FRMD4A: variants seen among roughly 807,000 people sequenced by gnomAD.
The protein encoded by FRMD4A is FERM domain-containing protein 4A.
A neutral mutation model predicts 129.1 loss-of-function variants in FRMD4A; 29 were observed. The observed-to-expected ratio is 0.22, with a 90% CI of 0.17 to 0.31. The LOEUF (loss-of-function observed/expected upper bound fraction) is 0.31. Among genes scored for constraint, FRMD4A ranks in the 10% least tolerant of loss-of-function variants. The pLI is 1.00. For synonymous variants in FRMD4A, 634 were observed against 571.6 expected (o/e 1.11, Z -1.56); for missense variants, 1,272 against 1,375.8 (o/e 0.92, Z 1.19).
chr10:14,152,114 GTGCTTTTT>G (rs1840367013), intron 2 of FRMD4A, among the ~76,000 whole-genome samples: 1 of 124,604 alleles, frequency 8.0e-6, no homozygotes, highest in African/African-American at 3.0e-5. Flanking sequence ...TGTTTGTGTA[GTGCTTTTT>G]TTTTTTTTTT....
chr10:13,796,468 C>T, intron 5 of FRMD4A, 28 bp downstream of exon 5: 1 of 1,105,312 alleles, frequency 9.0e-7, no homozygotes, highest in Non-Finnish European at 1.4e-6. Flanking sequence ...CACAAAGAAG[C>T]AAAAGTATAG....
chr10:14,093,403 A>T (rs999110338), intron 2 of FRMD4A, among the ~76,000 whole-genome samples: 4 of 152,226 alleles, frequency 2.6e-5, no homozygotes, highest in African/African-American at 9.7e-5. Context: ...CATTGAGTTT[A>T]AAAGGAAGAA....
chr10:13,892,151 C>T (rs2094707742), intron 2 of FRMD4A, among the ~76,000 whole-genome samples: 1 of 151,734 alleles, frequency 6.6e-6, no homozygotes, highest in Non-Finnish European at 1.5e-5. Context: ...GCGTCCAAAG[C>T]GTGCGGGATG....
intron 6 of FRMD4A, among the ~76,000 whole-genome samples, chr10:13,770,154 C>G (rs548343333): frequency 6.6e-6 from 1 of 152,326 alleles, no homozygotes; most frequent in African/African-American, 2.4e-5. Flanking sequence ...TTGCACAACT[C>G]ATCATAATTA....
At chr10:13,738,510 C>T (rs1252749469) in intron 11 of FRMD4A, among the ~76,000 whole-genome samples, 1 of 152,290 alleles carries the variant, frequency 6.6e-6, no homozygotes, top group African/African-American at 2.4e-5. Context: ...TCCTGCTCAC[C>T]CAAGATGACA....
At chr10:13,917,872 C>G (rs961064900) in intron 2 of FRMD4A, among the ~76,000 whole-genome samples, 7 of 152,306 alleles carry the variant, frequency 4.6e-5, no homozygotes, top group African/African-American at 1.7e-4. Context: ...GTTTCTGCTC[C>G]TCAGTTTTGT....
chr10:13,811,416 C>CG (rs1394817901), intron 3 of FRMD4A, among the ~76,000 whole-genome samples: 1 of 150,922 alleles, frequency 6.6e-6, no homozygotes, highest in Non-Finnish European at 1.5e-5. Context: ...TACAGACGTG[C>CG]GCCATCACAC....
intron 2 of FRMD4A, among the ~76,000 whole-genome samples, chr10:14,049,634 G>A (rs1834163955): frequency 6.6e-6 from 1 of 152,116 alleles, no homozygotes. Context: ...ATTAAAATGA[G>A]GAAAACGGTC....
At chr10:14,054,331 C>T (rs963279213) in intron 2 of FRMD4A, among the ~76,000 whole-genome samples, 4 of 152,114 alleles carry the variant, frequency 2.6e-5, no homozygotes, top group Admixed American at 1.3e-4. Context: ...CCTCCCCTGC[C>T]CCAGCACTGT....
At chr10:13,917,996 T>C (rs2095029721) in intron 2 of FRMD4A, among the ~76,000 whole-genome samples, 1 of 152,202 alleles carries the variant, frequency 6.6e-6, no homozygotes, top group African/African-American at 2.4e-5. Flanking sequence ...GTGATCACTA[T>C]TACCTTAGTC....
chr10:14,034,316 CG>C lies in FRMD4A; in HGVS notation c.46-175405del, dbSNP rs1453016301. 1.1e-4 allele frequency among the ~76,000 whole-genome samples: 17 copies of C among 152,242 alleles called. 1 individual carries two copies. In the South Asian group the frequency reaches 3.3e-3, roughly 30 times the overall value. On this transcript the variant is annotated intron_variant, in intron 2 of 24. Transcript: ENST00000357447. Reference sequence around the variant, plus strand: ...GCTGGTAGCAGGTGAGGGCAGGTCTCGGGGTTCCGAGTGATGAGAATCCAGA... The same window carrying C: ...GCTGGTAGCAGGTGAGGGCAGGTCTCGGGTTCCGAGTGATGAGAATCCAGA...
At chr10:14,144,041 A>T (rs1169614001) in intron 2 of FRMD4A, among the ~76,000 whole-genome samples, 1 of 152,194 alleles carries the variant, frequency 6.6e-6, no homozygotes, top group Non-Finnish European at 1.5e-5. Context: ...TTTAAGAGTT[A>T]GAATAAAATG....
chr10:14,231,281 A>T (rs1843629116), intron 2 of FRMD4A, among the ~76,000 whole-genome samples: 1 of 151,138 alleles, frequency 6.6e-6, no homozygotes. Context: ...CCTCACCATC[A>T]TCTGTTGTTT....
At chr10:14,045,871 T>A (rs866947320) in intron 2 of FRMD4A, among the ~76,000 whole-genome samples, 5 of 146,810 alleles carry the variant, frequency 3.4e-5, no homozygotes, top group African/African-American at 1.2e-4. Flanking sequence ...ATATATCATA[T>A]TATATATGGT....
intron 13 of FRMD4A, among the ~76,000 whole-genome samples, chr10:13,703,278 ATTACT>A (rs750138508): frequency 7.9e-5 from 12 of 152,196 alleles, no homozygotes; most frequent in Non-Finnish European, 1.8e-4. Flanking sequence ...CTGCTCTATC[ATTACT>A]TTATCTCCTC....
At chr10:14,215,665 T>G (rs1345111242) in intron 2 of FRMD4A, among the ~76,000 whole-genome samples, 3 of 152,066 alleles carry the variant, frequency 2.0e-5, no homozygotes, top group Non-Finnish European at 4.4e-5. Flanking sequence ...TTTCTCCCAC[T>G]CATTCTGAAA....
At chr10:14,059,245 C>A (rs184835871) in intron 2 of FRMD4A, among the ~76,000 whole-genome samples, 1 of 152,166 alleles carries the variant, frequency 6.6e-6, no homozygotes, top group Non-Finnish European at 1.5e-5. Context: ...AGTGCTGTTA[C>A]CTCCTAAATG....
chr10:14,004,307 C>T (rs574293496), intron 2 of FRMD4A, among the ~76,000 whole-genome samples: 14 of 152,174 alleles, frequency 9.2e-5, no homozygotes, highest in Non-Finnish European at 2.1e-4. Context: ...CTTTGGGAGG[C>T]CAAGGCAGGT....
intron 8 of FRMD4A, among the ~76,000 whole-genome samples, chr10:13,749,538 G>A (rs1034402552): frequency 6.6e-6 from 1 of 152,102 alleles, no homozygotes; most frequent in South Asian, 2.1e-4. Flanking sequence ...ACAGCCAAGG[G>A]CAATGCAATG....
Sources: allele counts gnomAD v4.1 joint callset (sites outside exome capture counted in the v4.1 genomes callset), GRCh38; gene constraint gnomAD v4.1.1; transcripts MANE v1.5; gene names NCBI Gene and HGNC (gene_info 2026-07-23, HGNC 2026-07-21).